PRKAG2: variants seen among roughly 807,000 people sequenced by gnomAD.
PRKAG2 encodes 5'-AMP-activated protein kinase subunit gamma-2.
A neutral mutation model predicts 69.6 loss-of-function variants in PRKAG2; 26 were observed. That is an observed-to-expected ratio of 0.37 (90% CI 0.27 to 0.52). The LOEUF is 0.52. PRKAG2 is among the 20% of genes least tolerant of loss of function. The probability of loss-of-function intolerance (pLI) is 0.90; values close to 1 mark genes in which losing one functional copy is unlikely to be tolerated. For synonymous variants in PRKAG2, 293 were observed against 285.0 expected, an observed-to-expected ratio of 1.03 and a Z score of -0.28; for missense variants, 557 against 740.0, an observed-to-expected ratio of 0.75 and a Z score of 2.87.
intron 3 of PRKAG2, among the ~76,000 whole-genome samples, chr7:151,705,527 G>A (rs1217191487): frequency 1.3e-5 from 2 of 152,156 alleles, no homozygotes; most frequent in Non-Finnish European, 2.9e-5. Context: ...GACTGTCTGT[G>A]ACAGACACTC....
intron 1 of PRKAG2, among the ~76,000 whole-genome samples, chr7:151,832,736 G>A (rs371747369): frequency 5.3e-5 from 8 of 152,050 alleles, no homozygotes; most frequent in East Asian, 1.9e-4. Context: ...GGACTGAGGC[G>A]ACAAAAGCTC....
chr7:151,693,415 G>A (rs149475111), intron 3 of PRKAG2, among the ~76,000 whole-genome samples: 10 of 152,220 alleles, frequency 6.6e-5, no homozygotes, highest in African/African-American at 1.9e-4. Context: ...TGCCCCACCC[G>A]TCCCTCCTCC....
chr7:151,847,068 T>C (rs1378562068), intron 1 of PRKAG2, among the ~76,000 whole-genome samples: 1 of 152,220 alleles, frequency 6.6e-6, no homozygotes, highest in Non-Finnish European at 1.5e-5. Flanking sequence ...GCCTTGTACC[T>C]GTGCAAAGCC....
At chr7:151,664,114 G>A (rs1355406252) in intron 4 of PRKAG2, among the ~76,000 whole-genome samples, 1 of 152,162 alleles carries the variant, frequency 6.6e-6, no homozygotes, top group Non-Finnish European at 1.5e-5. Context: ...TCAGGTATAT[G>A]AGCTAAGATG....
At position 151,855,127 on chromosome 7, in the gene PRKAG2, C is replaced by CCACACACACCACG. The variant is rs1563756832; in HGVS notation, c.114+21379_114+21380insCGTGGTGTGTGTG. Among the ~76,000 whole-genome samples the CCACACACACCACG allele has an allele frequency of 4.1e-4, 19 of 46,088 alleles. 4 individuals carry two copies. The highest frequency in any genetic ancestry group is 5.3e-4 in the Non-Finnish European group (14 of 26,570). The allele number at this position is 46,088 out of a possible 152,430, so 30.2% of individuals were successfully genotyped here. ...ACACACCACCCTACACACACACCAT[C>CCACACACACCACG]CTCCACACACACCACCCTACACACA... On this transcript the variant is annotated intron_variant, in intron 1 of 15. Transcript: ENST00000287878.
intron 5 of PRKAG2, among the ~76,000 whole-genome samples, chr7:151,615,105 T>C (rs1433286913): frequency 6.6e-6 from 1 of 152,186 alleles, no homozygotes; most frequent in African/African-American, 2.4e-5. Flanking sequence ...GCTGTGCAGA[T>C]CCAGAGAGAA....
chr7:151,749,286 G>A (rs2074507170), intron 3 of PRKAG2, among the ~76,000 whole-genome samples: 1 of 152,154 alleles, frequency 6.6e-6, no homozygotes, highest in Non-Finnish European at 1.5e-5. Context: ...ACCTGGAGGG[G>A]CAATGAGACA....
At chr7:151,590,609 A>G (rs952408224) in intron 6 of PRKAG2, among the ~76,000 whole-genome samples, 2 of 152,192 alleles carry the variant, frequency 1.3e-5, no homozygotes, top group Non-Finnish European at 2.9e-5. Flanking sequence ...AGGCTTTCCT[A>G]GGGCAGACGC....
intron 3 of PRKAG2, among the ~76,000 whole-genome samples, chr7:151,718,402 G>A (rs757961072): frequency 6.6e-6 from 1 of 151,960 alleles, no homozygotes; most frequent in African/African-American, 2.4e-5. Flanking sequence ...AAGCCACATC[G>A]AGGGTCAGGG....
Position 151,875,582 on chromosome 7 carries a change from T to G in PRKAG2, c.114+925A>C, listed in dbSNP as rs1180743726. Among the ~76,000 whole-genome samples, 174 of 101,822 alleles carry G rather than the reference T, an allele frequency of 1.7e-3. 2 individuals carry two copies. Among genetic ancestry groups the G allele is most frequent in the African/African-American group, 2.5e-3 (66 of 26,180 alleles). The allele number at this position is 101,822 out of a possible 152,430, so 66.8% of individuals were successfully genotyped here. A position where few individuals can be genotyped will look rare whatever the true frequency, so the allele number is the denominator to read the frequency against. On this transcript the variant is annotated intron_variant, in intron 1 of 15. Transcript: ENST00000287878. ...ACTCTGGTGTGTGTGTGTGTGTGTG[T>G]GTGTGTGTGTGTGTGTGTGTGTGTG...
intron 3 of PRKAG2, among the ~76,000 whole-genome samples, chr7:151,690,109 G>A (rs1306161004): frequency 6.6e-6 from 1 of 152,152 alleles, no homozygotes; most frequent in African/African-American, 2.4e-5. Flanking sequence ...TCTGCCCCTC[G>A]ATGGCAACAA....
chr7:151,588,065 A>T (rs998924610), intron 6 of PRKAG2, among the ~76,000 whole-genome samples: 2 of 152,160 alleles, frequency 1.3e-5, no homozygotes, highest in Non-Finnish European at 2.9e-5. Context: ...AAGAAGTTAC[A>T]TTGCCACTGT....
In PRKAG2 at chr7:151,564,304, C is replaced by T; in HGVS notation, c.1438-80G>A. The T allele has an allele frequency of 2.7e-6, 4 of 1,504,598 alleles. No individual in the cohort carries two copies. In the South Asian group the frequency reaches 3.4e-5, roughly 13 times the overall value. 93.2% of individuals were successfully genotyped at this position (1,504,598 alleles called of 1,614,324 possible). On this transcript the variant is annotated intron_variant, in intron 13 of 15. Transcript: ENST00000287878. Reference sequence around the variant, plus strand: ...ACCAAAATTAGTGAGCTTAAGAGAGCCTGATTTCTAAAAACTTTAATGCTT... The same window carrying T: ...ACCAAAATTAGTGAGCTTAAGAGAGTCTGATTTCTAAAAACTTTAATGCTT...
intron 4 of PRKAG2, among the ~76,000 whole-genome samples, chr7:151,655,658 G>C (rs1439034458): frequency 6.6e-6 from 1 of 152,154 alleles, no homozygotes; most frequent in Non-Finnish European, 1.5e-5. Context: ...TATGACAATA[G>C]AGCATCAAAT....
intron 5 of PRKAG2, among the ~76,000 whole-genome samples, chr7:151,622,590 G>A (rs1312163201): frequency 1.3e-5 from 2 of 152,288 alleles, no homozygotes; most frequent in South Asian, 2.1e-4. Context: ...CCAACCCTAG[G>A]TCAGAATTGT....
intron 3 of PRKAG2, among the ~76,000 whole-genome samples, chr7:151,701,561 C>T (rs571201485): frequency 4.6e-5 from 7 of 152,126 alleles, no homozygotes; most frequent in East Asian, 1.9e-4. Flanking sequence ...TAAGGATTGC[C>T]GGCCGGGCGT....
chr7:151,731,780 T>C (rs1798981556), intron 3 of PRKAG2, among the ~76,000 whole-genome samples: 1 of 152,102 alleles, frequency 6.6e-6, no homozygotes, highest in Admixed American at 6.6e-5. Context: ...GAGAAGTCAA[T>C]GACAGGGATT....
At chr7:151,776,209 TC>T (rs2076338455) in intron 3 of PRKAG2, among the ~76,000 whole-genome samples, 1 of 151,992 alleles carries the variant, frequency 6.6e-6, no homozygotes, top group Admixed American at 6.6e-5. Context: ...TGTTCTGAAC[TC>T]CCCATCCCAG....
chr7:151,751,577 C>T (rs145364312), intron 3 of PRKAG2, among the ~76,000 whole-genome samples: 23 of 152,190 alleles, frequency 1.5e-4, no homozygotes, highest in Non-Finnish European at 2.2e-4. Context: ...GCAATCACAG[C>T]GCACTGCAGC....
Sources: allele counts gnomAD v4.1 joint callset (sites outside exome capture counted in the v4.1 genomes callset), GRCh38; gene constraint gnomAD v4.1.1; transcripts MANE v1.5; gene names NCBI Gene and HGNC (gene_info 2026-07-23, HGNC 2026-07-21).